GPHN: variants seen among roughly 807,000 people sequenced by gnomAD.
GPHN encodes the protein gephyrin.
Under a neutral mutation model 95.5 loss-of-function variants are expected in GPHN, and 17 were observed. That is an observed-to-expected ratio of 0.18 (90% confidence interval 0.12 to 0.27). GPHN has a LOEUF of 0.27. GPHN is among the 10% of genes least tolerant of loss of function. GPHN has a pLI of 1.00. For missense variants in GPHN, 660 were observed against 978.1 expected (o/e 0.67, Z 4.34); for synonymous variants, 320 against 322.5 (o/e 0.99, Z 0.08).
In GPHN at chr14:67,181,533, C is replaced by A; in HGVS notation, c.*596C>A. 2 of 500,584 alleles carry A rather than the reference C, an allele frequency of 4.0e-6. No individual in the cohort carries two copies. The highest frequency in any genetic ancestry group is 3.9e-6 in the Non-Finnish European group (1 of 257,744). 31.0% of individuals were successfully genotyped at this position (500,584 alleles called of 1,614,324 possible). A position where few individuals can be genotyped will look rare whatever the true frequency, so the allele number is the denominator to read the frequency against. ...AGCCTCACGGCACAGTACTCTTGGG[C>A]AGTAACTGGACACCTTTTATTTGAA... On this transcript the variant is annotated 3_prime_UTR_variant, in exon 23 of 23. Coordinates refer to ENST00000478722, the MANE Select transcript of GPHN (RefSeq NM_020806.5).
chr14:66,905,301 ATTT>A (rs2065325432), intron 5 of GPHN, among the ~76,000 whole-genome samples: 1 of 152,062 alleles, frequency 6.6e-6, no homozygotes, highest in Non-Finnish European at 1.5e-5. Flanking sequence ...TGTTCATTAA[ATTT>A]TTATCATAAA....
chr14:66,721,489 AGAT>A (rs1441967377), intron 2 of GPHN, among the ~76,000 whole-genome samples: 1 of 152,194 alleles, frequency 6.6e-6, no homozygotes, highest in African/African-American at 2.4e-5. Context: ...AACCTAAAGA[AGAT>A]ATAGCATCAG....
At chr14:67,527,027 G>A in the GPHN span, among the ~76,000 whole-genome samples, 25 of 152,190 alleles carry the variant, frequency 1.6e-4, no homozygotes, top group African/African-American at 5.8e-4. Context: ...CAATGGCTTG[G>A]TCAGCTCATT....
chr14:67,511,129 T>C, the GPHN span, among the ~76,000 whole-genome samples: 3 of 151,990 alleles, frequency 2.0e-5, no homozygotes, highest in Admixed American at 1.3e-4. Flanking sequence ...GTGACAGGGG[T>C]GCCTCTTAAT....
At chr14:66,740,630 C>T (rs1253415558) in intron 2 of GPHN, among the ~76,000 whole-genome samples, 1 of 150,888 alleles carries the variant, frequency 6.6e-6, no homozygotes, top group Non-Finnish European at 1.5e-5. Flanking sequence ...TGTGCTATAT[C>T]TGTGCTTTTC....
At chr14:67,401,621 G>A in the GPHN span, among the ~76,000 whole-genome samples, 1 of 152,146 alleles carries the variant, frequency 6.6e-6, no homozygotes, top group Admixed American at 6.5e-5. Flanking sequence ...TGCAAGCCAA[G>A]GAGAGAGAGG....
the GPHN span, chr14:67,647,686 A>C: frequency 1.2e-5 from 2 of 171,768 alleles, no homozygotes; most frequent in African/African-American, 4.7e-5. Context: ...AAATTGTCTA[A>C]TTAAATTGTC....
At chr14:67,600,410 C>T in the GPHN span, 2 of 518,634 alleles carry the variant, frequency 3.9e-6, no homozygotes, top group Admixed American at 3.9e-5. Flanking sequence ...TTCGAAAAAA[C>T]CTCGTCGGGG....
At chr14:66,852,390 TGCGTGC>T (rs537863773) in intron 4 of GPHN, among the ~76,000 whole-genome samples, 9 of 152,214 alleles carry the variant, frequency 5.9e-5, no homozygotes, top group African/African-American at 7.2e-5. Context: ...TGTGTGTGTG[TGCGTGC>T]GCGTGCGCGT....
the GPHN span, among the ~76,000 whole-genome samples, chr14:67,356,995 A>C: frequency 6.6e-6 from 1 of 152,198 alleles, no homozygotes; most frequent in South Asian, 2.1e-4. Flanking sequence ...TACCATGTTA[A>C]TTTTATTTTC....
chr14:66,601,626 A>G (rs1342714647), intron 1 of GPHN, among the ~76,000 whole-genome samples: 1 of 151,986 alleles, frequency 6.6e-6, no homozygotes, highest in East Asian at 1.9e-4. Flanking sequence ...CTTAAAGATG[A>G]ACAAGGCAAT....
At chr14:66,938,282 A>G (rs1453487656) in intron 8 of GPHN, among the ~76,000 whole-genome samples, 1 of 152,212 alleles carries the variant, frequency 6.6e-6, no homozygotes, top group Non-Finnish European at 1.5e-5. Context: ...TTATTTTGAA[A>G]TGTTTCATAT....
At chr14:66,544,532 A>G (rs2059462054) in intron 1 of GPHN, among the ~76,000 whole-genome samples, 2 of 152,032 alleles carry the variant, frequency 1.3e-5, no homozygotes, top group South Asian at 2.1e-4. Context: ...TAAGTGCCCA[A>G]TGAATATTTG....
intron 12 of GPHN, among the ~76,000 whole-genome samples, chr14:67,092,798 T>C (rs905304714): frequency 1.3e-5 from 2 of 152,084 alleles, no homozygotes; most frequent in African/African-American, 4.8e-5. Flanking sequence ...TAAAAGTAGA[T>C]AAAATAAAAA....
chr14:66,637,489 T>TG (rs1256765742), intron 1 of GPHN, among the ~76,000 whole-genome samples: 2 of 152,150 alleles, frequency 1.3e-5, no homozygotes, highest in Non-Finnish European at 2.9e-5. Context: ...AGACAACCTA[T>TG]AGATAAGCTT....
chr14:67,157,979 G>T (rs1017606312), intron 18 of GPHN, among the ~76,000 whole-genome samples: 16 of 151,906 alleles, frequency 1.1e-4, no homozygotes, highest in Non-Finnish European at 1.5e-4. Flanking sequence ...ACAATGATTG[G>T]GGGGGCTAGA....
At chr14:66,678,529 T>A (rs568952206) in intron 1 of GPHN, among the ~76,000 whole-genome samples, 2 of 152,170 alleles carry the variant, frequency 1.3e-5, no homozygotes, top group South Asian at 2.1e-4. Context: ...TTCTTTTGTA[T>A]CTACTAAGTT....
chr14:66,771,659 T>C (rs1384106408), intron 2 of GPHN, among the ~76,000 whole-genome samples: 2 of 151,946 alleles, frequency 1.3e-5, no homozygotes, highest in Non-Finnish European at 2.9e-5. Flanking sequence ...TGTGCCATGC[T>C]CGTGTGCTGC....
chr14:67,128,689 C>A (rs1481598441), intron 17 of GPHN, among the ~76,000 whole-genome samples: 1 of 152,122 alleles, frequency 6.6e-6, no homozygotes, highest in Non-Finnish European at 1.5e-5. Flanking sequence ...CTAATCCCAG[C>A]ACTTTGGGAG....
Sources: gnomAD v4.1 joint callset for allele counts (sites outside exome capture counted in the v4.1 genomes callset) on GRCh38, gnomAD v4.1.1 for gene constraint, MANE v1.5 for transcripts, NCBI Gene and HGNC (gene_info 2026-07-23, HGNC 2026-07-21) for gene names.